ELP6: variants seen among roughly 807,000 people sequenced by gnomAD.
ELP6 encodes the protein elongator complex protein 6.
In ELP6, 23 loss-of-function variants were observed where a neutral mutation model predicts 28.1. The observed-to-expected ratio is 0.82, with a 90% CI of 0.59 to 1.16. ELP6 has a LOEUF of 1.16. ELP6 is among the 50% of genes most tolerant of loss of function. The pLI is 0.00. For synonymous variants in ELP6, 132 were observed against 135.8 expected, an observed-to-expected ratio of 0.97 and a Z score of 0.19; for missense variants, 313 against 334.6, an observed-to-expected ratio of 0.94 and a Z score of 0.50.
chr3:47,510,191 T>C lies in ELP6; in HGVS notation c.197A>G (p.Gln66Arg), dbSNP rs755509244. The change falls in exon 3 of 7, where the codon CAG becomes CGG. Residue 66 changes from glutamine (Q) to arginine (R), a missense_variant. Physicochemically the swap from Gln to Arg is conservative, Grantham distance 43 (BLOSUM62 1). Coordinates refer to ENST00000296149, the MANE Select transcript of ELP6 (RefSeq NM_001031703.3). ...GAGCTCCAAAATATTTACCAGCTTC[T>C]GTCCCACGATACTGTAGTGGCTGAA... ...QSFSHYSIVG[Q>R]KLGVSLTMAR... is the part of the protein sequence containing the mutation. 6.2e-7 allele frequency: 1 copy of C among 1,613,272 alleles called. No individual in the cohort carries two copies. The highest frequency in any genetic ancestry group is 1.3e-5 in the African/African-American group (1 of 74,946).
intron 1 of ELP6, chr3:47,512,938 G>A: frequency 1.0e-6 from 1 of 985,322 alleles, no homozygotes; most frequent in African/African-American, 1.8e-5. Context: ...GCGCGCCACA[G>A]TTCACGTCCG....
intron 3 of ELP6, chr3:47,504,865 T>A (rs1265562584): frequency 6.5e-6 from 1 of 153,758 alleles, no homozygotes; most frequent in African/African-American, 2.4e-5. Flanking sequence ...GAGGCTGAGG[T>A]AGGAGGATCA....
intron 5 of ELP6, among the ~76,000 whole-genome samples, chr3:47,500,596 G>A (rs1184420237): frequency 6.6e-6 from 1 of 152,094 alleles, no homozygotes; most frequent in Non-Finnish European, 1.5e-5. Context: ...GGTGGTAGCA[G>A]GTCACAGACC....
intron 3 of ELP6, among the ~76,000 whole-genome samples, chr3:47,509,188 C>T (rs1434914757): frequency 6.6e-6 from 1 of 152,028 alleles, no homozygotes; most frequent in Non-Finnish European, 1.5e-5. Flanking sequence ...TCTCCAACTC[C>T]TGACCTCAGG....
Position 47,513,523 on chromosome 3 carries a change from G to C in ELP6, c.54+14C>G, listed in dbSNP as rs779690055. On this transcript the variant is annotated intron_variant, in intron 1 of 6. Coordinates refer to ENST00000296149, the MANE Select transcript of ELP6 (RefSeq NM_001031703.3). ...GCCAGGTCCCGCCCCCTTCCGGCCA[G>C]CGGGACCTCTTACCTGCTCCGCCCT... 6.2e-7 allele frequency: 1 copy of C among 1,611,340 alleles called. No individual in the cohort carries two copies. The highest frequency in any genetic ancestry group is 1.7e-5 in the Admixed American group (1 of 59,544).
chr3:47,513,476 G>A, intron 1 of ELP6, 61 bp downstream of exon 1: 4 of 1,583,826 alleles, frequency 2.5e-6, no homozygotes, highest in East Asian at 2.3e-5. Flanking sequence ...ACCGCCTCCC[G>A]GATGCAGTAT....
At chr3:47,507,764 A>G (rs1708884543) in intron 3 of ELP6, among the ~76,000 whole-genome samples, 1 of 152,144 alleles carries the variant, frequency 6.6e-6, no homozygotes, top group Non-Finnish European at 1.5e-5. Flanking sequence ...ATTTGTTCCA[A>G]TAGCTGCAGC....
chr3:47,497,322 C>A, intron 6 of ELP6: 1 of 985,182 alleles, frequency 1.0e-6, no homozygotes, highest in Non-Finnish European at 1.2e-6. Context: ...ACGGGTACGG[C>A]CTCCCCAAGT....
intron 6 of ELP6, 145 bp downstream of exon 6, chr3:47,498,141 C>T: frequency 7.2e-7 from 1 of 1,389,918 alleles, no homozygotes; most frequent in Non-Finnish European, 9.7e-7. Context: ...GGTCTATTAC[C>T]TGAAGTCTCA....
At position 47,496,901 on chromosome 3, in the gene ELP6, C is replaced by T. The variant is rs1456554856; in HGVS notation, c.673-704G>A. 7.1e-6 allele frequency: 7 copies of T among 985,204 alleles called. No homozygotes were observed. In the South Asian group the frequency reaches 2.8e-4, roughly 40 times the overall value. 61.0% of individuals were successfully genotyped at this position (985,204 alleles called of 1,614,324 possible). A position where few individuals can be genotyped will look rare whatever the true frequency, so the allele number is the denominator to read the frequency against. ...TACAGAGGCCCAGGAAGGCTAGATACCTGTTTTGATGGTGTTACTGCTGAC... is the reference window on the plus strand; with the variant it reads ...TACAGAGGCCCAGGAAGGCTAGATATCTGTTTTGATGGTGTTACTGCTGAC... On this transcript the variant is annotated intron_variant, in intron 6 of 6. Coordinates refer to ENST00000296149, the MANE Select transcript of ELP6 (RefSeq NM_001031703.3).
At chr3:47,501,927 G>A in intron 4 of ELP6, 76 bp from the exon 5 acceptor site, 1 of 1,379,328 alleles carries the variant, frequency 7.2e-7, no homozygotes. Context: ...AGCACGACAG[G>A]AGAGGGCTAA....
intron 1 of ELP6, 41 bp downstream of exon 1, chr3:47,513,496 C>G (rs754162449): frequency 6.2e-7 from 1 of 1,601,682 alleles, no homozygotes; most frequent in South Asian, 1.1e-5. Context: ...TTCCGCTGCC[C>G]TGCCAGGTCC....
At chr3:47,506,495 A>G (rs1485411147) in intron 3 of ELP6, among the ~76,000 whole-genome samples, 1 of 152,046 alleles carries the variant, frequency 6.6e-6, no homozygotes, top group Non-Finnish European at 1.5e-5. Flanking sequence ...TCAGAGACCC[A>G]CCCCCAAGCG....
chr3:47,504,652 T>C, intron 3 of ELP6: 3 of 985,378 alleles, frequency 3.0e-6, no homozygotes, highest in Non-Finnish European at 3.6e-6. Context: ...TTCCATTTAA[T>C]TGTTACATTA....
At chr3:47,501,330 G>T (rs1462725993) in intron 5 of ELP6, among the ~76,000 whole-genome samples, 2 of 152,208 alleles carry the variant, frequency 1.3e-5, no homozygotes, top group Non-Finnish European at 2.9e-5. Context: ...TATTTTAGCT[G>T]ATCTATAAAA....
At position 47,504,416 on chromosome 3, in the gene ELP6, C is replaced by T. The variant is rs1437843678; in HGVS notation, c.237G>A (p.Gly79=). ...TGAGTCCCTCAAGGAACACAAGCTG[C>T]CCACGCTCCCGCGCCATGGTCAGGC... ...GVSLTMARER[G]QLVFLEGLKS... Residue 79 remains glycine, a synonymous_variant, in exon 4 of 7, where the codon GGG becomes GGA. Transcript: ENST00000296149. The T allele has an allele frequency of 3.1e-6, 5 of 1,607,842 alleles. No individual in the cohort carries two copies. The Admixed American group carries it at 8.4e-5, about 27-fold the overall frequency.
At chr3:47,500,138 C>G (rs572210348) in intron 5 of ELP6, 2 of 1,154,180 alleles carry the variant, frequency 1.7e-6, no homozygotes, top group Non-Finnish European at 2.2e-6. Flanking sequence ...TAAATCAGGA[C>G]CAGAAAAAAG....
intron 1 of ELP6, chr3:47,511,748 T>C: frequency 3.1e-6 from 3 of 973,482 alleles, no homozygotes; most frequent in Non-Finnish European, 3.7e-6. Context: ...ATGGCCCTGC[T>C]TCAGAGGCCT....
At position 47,506,411 on chromosome 3, in the gene ELP6, G is replaced by A. The variant is rs184033927; in HGVS notation, c.205-1963C>T. Reference sequence around the variant, plus strand: ...TCCTCTTCCTAATAAGCCTGGGAGCGCTATGGGAGACTGGGGTCTATTTCA... The same window carrying A: ...TCCTCTTCCTAATAAGCCTGGGAGCACTATGGGAGACTGGGGTCTATTTCA... On this transcript the variant is annotated intron_variant, in intron 3 of 6. Coordinates refer to ENST00000296149, the MANE Select transcript of ELP6 (RefSeq NM_001031703.3). Among the ~76,000 whole-genome samples the A allele has an allele frequency of 1.5e-4, 23 of 152,254 alleles. No individual in the cohort carries two copies. The East Asian group carries it at 3.7e-3, about 24-fold the overall frequency.
Sources: gnomAD v4.1 joint callset for allele counts (sites outside exome capture counted in the v4.1 genomes callset) on GRCh38, gnomAD v4.1.1 for gene constraint, MANE v1.5 for transcripts, NCBI Gene and HGNC (gene_info 2026-07-23, HGNC 2026-07-21) for gene names.